GDF11: variants seen among roughly 807,000 people sequenced by gnomAD.
GDF11 encodes the protein growth/differentiation factor 11.
A neutral mutation model predicts 34.4 loss-of-function variants in GDF11; 12 were observed. That is an observed-to-expected ratio of 0.35 (90% CI 0.22 to 0.57). GDF11 has a LOEUF of 0.57. Among genes scored for constraint, GDF11 ranks in the 20% least tolerant of loss-of-function variants. The pLI is 0.86. For missense variants in GDF11, 346 were observed against 548.2 expected (o/e 0.63, Z 3.68); for synonymous variants, 212 against 231.1 (o/e 0.92, Z 0.75).
At chr12:55,746,368 T>C (rs1878186050) in intron 1 of GDF11, among the ~76,000 whole-genome samples, 2 of 152,224 alleles carry the variant, frequency 1.3e-5, no homozygotes, top group South Asian at 2.1e-4. Flanking sequence ...CTCAAACTTA[T>C]TCTCCCTTTG....
rs970951334 is a variant in GDF11, at chr12:55,743,868, T to C, written c.445+107T>C. ...CCTGCTGCCCCGGCCCGGAAGCTTT[T>C]TCTGCGAAAACTTGACGAATTAGGG... On this transcript the variant is annotated intron_variant, in intron 1 of 2. Coordinates refer to ENST00000257868, the MANE Select transcript of GDF11 (RefSeq NM_005811.5). 7.5e-6 allele frequency: 7 copies of C among 928,316 alleles called. No individual in the cohort carries two copies. In the Admixed American group the frequency reaches 1.6e-4, roughly 21 times the overall value. 57.5% of individuals were successfully genotyped at this position (928,316 alleles called of 1,614,324 possible).
chr12:55,749,409 C>G lies in GDF11; in HGVS notation c.844-93C>G, dbSNP rs1878254628. On this transcript the variant is annotated intron_variant, in intron 2 of 2. Coordinates refer to ENST00000257868, the MANE Select transcript of GDF11 (RefSeq NM_005811.5). This position sits in a 1 kb window ranked among gnomAD's most constrained non-coding sequence, Gnocchi z 5.6. Reference sequence around the variant, plus strand: ...GGAAAAGCTGAGAAGTCAGCAGTCTCTATTCTGATGCCCCTGGCAGGTGGG... The same window carrying G: ...GGAAAAGCTGAGAAGTCAGCAGTCTGTATTCTGATGCCCCTGGCAGGTGGG... 2 of 1,358,496 alleles carry G rather than the reference C, an allele frequency of 1.5e-6. No homozygotes were observed. The highest frequency in any genetic ancestry group is 4.6e-5 in the East Asian group (2 of 43,194). The allele number at this position is 1,358,496 out of a possible 1,614,324, so 84.2% of individuals were successfully genotyped here.
chr12:55,744,886 C>T (rs536121086), intron 1 of GDF11, among the ~76,000 whole-genome samples: 3 of 152,248 alleles, frequency 2.0e-5, no homozygotes, highest in East Asian at 1.9e-4. Context: ...AGGGGAGTCC[C>T]AGTGGCCCAC....
Position 55,743,400 on chromosome 12 carries a change from CGCGGCGGCGGCGGCGGCGGCGGCG to C in GDF11, c.93_116del (p.Ala34_Ala41del). ...CCCGGGGGGAGGCGGCCGAGGGCCC[CGCGGCGGCGGCGGCGGCGGCGGCG>C]GCGGCGGCAGCGGCGGGGGTCGGGG... On this transcript the variant is annotated inframe_deletion, in exon 1 of 3. Transcript: ENST00000257868. 1.0e-6 allele frequency: 1 copy of C among 992,854 alleles called. No homozygotes were observed. The highest frequency in any genetic ancestry group is 1.2e-6 in the Non-Finnish European group (1 of 837,424). 61.5% of individuals were successfully genotyped at this position (992,854 alleles called of 1,614,324 possible). A position where few individuals can be genotyped will look rare whatever the true frequency, so the allele number is the denominator to read the frequency against.
At chr12:55,746,588 G>A (rs915360420) in intron 1 of GDF11, among the ~76,000 whole-genome samples, 9 of 152,182 alleles carry the variant, frequency 5.9e-5, no homozygotes, top group Non-Finnish European at 7.3e-5. Context: ...ACAAGTATGT[G>A]GAACCAAAGA....
intron 1 of GDF11, among the ~76,000 whole-genome samples, chr12:55,747,462 ATACT>A (rs1878209833): frequency 6.6e-6 from 1 of 152,128 alleles, no homozygotes. Context: ...CATGGGGAGG[ATACT>A]TAAAGGCCTA....
At position 55,754,964 on chromosome 12, in the gene GDF11, T is replaced by A. The variant is rs1011850637; in HGVS notation, c.*5082T>A. 3.9e-5 allele frequency: 6 copies of A among 152,130 alleles called. No homozygotes were observed. The highest frequency in any genetic ancestry group is 5.9e-5 in the Non-Finnish European group (4 of 68,010). 9.4% of individuals were successfully genotyped at this position (152,130 alleles called of 1,614,324 possible). On this transcript the variant is annotated 3_prime_UTR_variant, in exon 3 of 3. Transcript: ENST00000257868. ...ACAGGAATAACATAAGGGAAAGAGA[T>A]AACAAGAAAGTTAGGGACACCTTGG...
In GDF11 at chr12:55,748,687, T is replaced by C; in HGVS notation, c.547T>C (p.Tyr183His). The C allele has an allele frequency of 1.2e-6, 2 of 1,614,216 alleles. No individual in the cohort carries two copies. Among genetic ancestry groups the C allele is most frequent in the Non-Finnish European group, 1.7e-6 (2 of 1,180,040 alleles). The change falls in exon 2 of 3, where the codon TAC (tyrosine) becomes CAC (histidine). Residue 183 changes from tyrosine (Y) to histidine (H), a missense_variant. Tyr to His is a moderately conservative substitution (Grantham distance 83). This residue lies in a region of GDF11 where 205 missense variants were observed against 311.3 expected (regional missense o/e 0.66). Transcript: ENST00000257868. The surrounding 1 kb of genome is among the most constrained non-coding windows in gnomAD (Gnocchi z 5.6). ...GGTACTGAAGGCCCAGCTGTGGGTG[T>C]ACCTACGGCCTGTACCCCGCCCAGC... is the stretch of plus-strand genomic sequence containing the variant. The part of the protein sequence containing the change: ...TKVLKAQLWV[Y>H]LRPVPRPATV...
At position 55,753,362 on chromosome 12, in the gene GDF11, C is replaced by G. The variant is rs1878388294; in HGVS notation, c.*3480C>G. On this transcript the variant is annotated 3_prime_UTR_variant, in exon 3 of 3. Coordinates refer to ENST00000257868, the MANE Select transcript of GDF11 (RefSeq NM_005811.5). ...CACAAGAGTGGCTAAAATAGCATCT[C>G]AAATATTCTTTCAGTTCACTGTAAA... is the stretch of plus-strand genomic sequence containing the variant. 1 of 152,186 alleles carries G rather than the reference C, an allele frequency of 6.6e-6. No individual in the cohort carries two copies. The highest frequency in any genetic ancestry group is 2.4e-5 in the African/African-American group (1 of 41,442). The allele number at this position is 152,186 out of a possible 1,614,324, so 9.4% of individuals were successfully genotyped here.
chr12:55,743,780 G>A lies in GDF11; in HGVS notation c.445+19G>A. ...CAGGAGAGTAAGTGGGCTGCGGGGC[G>A]CGAGCAGTGGGGTGCTGGCTCTGGC... On this transcript the variant is annotated intron_variant, in intron 1 of 2. Coordinates refer to ENST00000257868, the MANE Select transcript of GDF11 (RefSeq NM_005811.5). 4 of 1,509,076 alleles carry A rather than the reference G, an allele frequency of 2.7e-6. No individual in the cohort carries two copies. The highest frequency in any genetic ancestry group is 1.2e-5 in the South Asian group (1 of 81,782). 93.5% of individuals were successfully genotyped at this position (1,509,076 alleles called of 1,614,324 possible).
chr12:55,749,793 C>T lies in GDF11; in HGVS notation c.1135C>T (p.Pro379Ser). The T allele has an allele frequency of 6.2e-7, 1 of 1,614,102 alleles. No individual in the cohort carries two copies. Among genetic ancestry groups the T allele is most frequent in the Non-Finnish European group, 8.5e-7 (1 of 1,180,006 alleles). ...CTGTTGTACCCCCACCAAGATGTCC[C>T]CAATCAACATGCTCTACTTCAATGA... ...GPCCTPTKMS[P>S]INMLYFNDKQ... The change falls in exon 3 of 3, where the codon CCA (proline) becomes TCA (serine). Residue 379 changes from proline (P) to serine (S), a missense_variant. Coordinates refer to ENST00000257868, the MANE Select transcript of GDF11 (RefSeq NM_005811.5). This position sits in a 1 kb window ranked among gnomAD's most constrained non-coding sequence, Gnocchi z 5.6.
In GDF11 at chr12:55,743,291, C is replaced by A. The variant is rs1429519476; in HGVS notation, c.-26C>A. On this transcript the variant is annotated 5_prime_UTR_variant, in exon 1 of 3. Transcript: ENST00000257868. ...GCGGGACTCCGGCGTCCCCGCCCCC[C>A]AGTCCTCCCTCCCCTCCCCTCCAGC... 8.7e-6 allele frequency: 8 copies of A among 915,554 alleles called. No homozygotes were observed. Among genetic ancestry groups the A allele is most frequent in the Non-Finnish European group, 1.0e-5 (8 of 767,050 alleles). 56.7% of individuals were successfully genotyped at this position (915,554 alleles called of 1,614,324 possible). A position where few individuals can be genotyped will look rare whatever the true frequency, so the allele number is the denominator to read the frequency against.
At position 55,751,896 on chromosome 12, in the gene GDF11, T is replaced by C. The variant is rs1368136350; in HGVS notation, c.*2014T>C. 1 of 152,242 alleles carries C rather than the reference T, an allele frequency of 6.6e-6. No homozygotes were observed. The highest frequency in any genetic ancestry group is 1.5e-5 in the Non-Finnish European group (1 of 68,064). The allele number at this position is 152,242 out of a possible 1,614,324, so 9.4% of individuals were successfully genotyped here. On this transcript the variant is annotated 3_prime_UTR_variant, in exon 3 of 3. Transcript: ENST00000257868. ...TTCCCAAGAGCATGACTCTCCCCCT[T>C]GGCCAGTTGGTGGAAGGGGCAAAGG... is the stretch of plus-strand genomic sequence containing the variant.
Position 55,749,960 on chromosome 12 carries a change from G to A in GDF11, c.*78G>A. 8.0e-7 allele frequency: 1 copy of A among 1,248,722 alleles called. No homozygotes were observed. The highest frequency in any genetic ancestry group is 1.1e-6 in the Non-Finnish European group (1 of 887,952). The allele number at this position is 1,248,722 out of a possible 1,614,324, so 77.4% of individuals were successfully genotyped here. A position where few individuals can be genotyped will look rare whatever the true frequency, so the allele number is the denominator to read the frequency against. On this transcript the variant is annotated 3_prime_UTR_variant, in exon 3 of 3. Coordinates refer to ENST00000257868, the MANE Select transcript of GDF11 (RefSeq NM_005811.5). The surrounding 1 kb of genome is among the most constrained non-coding windows in gnomAD (Gnocchi z 5.6). ...CCTGCCCCCATCCCCCCAAGCCCTA[G>A]AGCTCCCTCCACTCTTCCCGCGAAC... is the stretch of plus-strand genomic sequence containing the variant.
In GDF11 at chr12:55,743,353, C is replaced by A; in HGVS notation, c.37C>A (p.Leu13Ile). The change falls in exon 1 of 3, where the codon CTC (leucine) becomes ATC (isoleucine). Residue 13 changes from leucine (L) to isoleucine (I), a missense_variant. Physicochemically the swap from Leu to Ile is conservative, Grantham distance 5 (BLOSUM62 2). This residue lies in a region of GDF11 where 141 missense variants were observed against 213.8 expected (regional missense o/e 0.66). Transcript: ENST00000257868. ...GGCCCCGCTGCTGCTGGGCTTCCTG[C>A]TCCTCGCCCTGGAGCTGCGGCCCCG... ...LAAPLLLGFL[L>I]LALELRPRGE... is the part of the protein sequence containing the mutation. 1 of 985,940 alleles carries A rather than the reference C, an allele frequency of 1.0e-6. No individual in the cohort carries two copies. The highest frequency in any genetic ancestry group is 4.5e-5 in the South Asian group (1 of 22,162). The allele number at this position is 985,940 out of a possible 1,614,324, so 61.1% of individuals were successfully genotyped here. A position where few individuals can be genotyped will look rare whatever the true frequency, so the allele number is the denominator to read the frequency against.
chr12:55,743,261 T>A lies in GDF11; in HGVS notation c.-56T>A. 21 of 313,724 alleles carry A rather than the reference T, an allele frequency of 6.7e-5. No homozygotes were observed. The highest frequency in any genetic ancestry group is 8.5e-5 in the Non-Finnish European group (20 of 234,846). The allele number at this position is 313,724 out of a possible 1,614,324, so 19.4% of individuals were successfully genotyped here. On this transcript the variant is annotated 5_prime_UTR_variant, in exon 1 of 3. Transcript: ENST00000257868. ...CTCCCTCCCTCCTCCCTCCGCCCCCTCCCCGCGGGACTCCGGCGTCCCCGC... is the reference window on the plus strand; with the variant it reads ...CTCCCTCCCTCCTCCCTCCGCCCCCACCCCGCGGGACTCCGGCGTCCCCGC...
Position 55,751,514 on chromosome 12 carries a change from T to A in GDF11, c.*1632T>A, listed in dbSNP as rs1878321062. The A allele has an allele frequency of 6.6e-6, 1 of 152,224 alleles. No homozygotes were observed. The allele number at this position is 152,224 out of a possible 1,614,324, so 9.4% of individuals were successfully genotyped here. ...TTCTGAGCACTTACCACGGGCACTT[T>A]ATGGACATAAAATACCTCTCGCTGT... is the stretch of plus-strand genomic sequence containing the variant. On this transcript the variant is annotated 3_prime_UTR_variant, in exon 3 of 3. Coordinates refer to ENST00000257868, the MANE Select transcript of GDF11 (RefSeq NM_005811.5).
chr12:55,744,869 G>A, intron 1 of GDF11, among the ~76,000 whole-genome samples: 1 of 152,162 alleles, frequency 6.6e-6, no homozygotes, highest in African/African-American at 2.4e-5. Context: ...TAAAAAGCTG[G>A]GGGCTGAGGG....
chr12:55,746,354 A>G (rs1003235504), intron 1 of GDF11, among the ~76,000 whole-genome samples: 3 of 152,126 alleles, frequency 2.0e-5, no homozygotes, highest in Non-Finnish European at 4.4e-5. Flanking sequence ...AGGATTCTCA[A>G]ACTCTCAAAC....
Sources: gnomAD v4.1 joint callset for allele counts (sites outside exome capture counted in the v4.1 genomes callset) on GRCh38, gnomAD v4.1.1 for gene constraint, gnomAD v4.1.1 regional missense constraint, Gnocchi (gnomAD v3.1) non-coding constraint, MANE v1.5 for transcripts, NCBI Gene and HGNC (gene_info 2026-07-23, HGNC 2026-07-21) for gene names.